The following MYH6 variants were observed in gnomAD, a reference collection of about 807,000 sequenced individuals.
MYH6 encodes the protein myosin-6.
Under a neutral mutation model 223.2 loss-of-function variants are expected in MYH6, and 126 were observed. That is an observed-to-expected ratio of 0.56 (90% CI 0.49 to 0.65). The LOEUF is 0.65. Ranked by LOEUF, MYH6 falls within the 30% of genes least tolerant of loss-of-function variation. MYH6 has a pLI of 0.00. For synonymous variants in MYH6, 978 were observed against 1,010.2 expected, an observed-to-expected ratio of 0.97 and a Z score of 0.61; for missense variants, 2,040 against 2,536.4, an observed-to-expected ratio of 0.80 and a Z score of 4.20.
Position 23,384,905 on chromosome 14 carries a change from C to A in MYH6, c.5289+11G>T, listed in dbSNP as rs367994806. ...GTCTTTAGGGGAGGCGGAAGGTGGG[C>A]GGTCACTTACATCCGTGATGGCCTT... On this transcript the variant is annotated intron_variant, in intron 35 of 38. Coordinates refer to ENST00000405093, the MANE Select transcript of MYH6 (RefSeq NM_002471.4). The A allele has an allele frequency of 7.4e-6, 12 of 1,613,652 alleles. No homozygotes were observed. Among genetic ancestry groups the A allele is most frequent in the African/African-American group, 1.3e-5 (1 of 74,928 alleles).
chr14:23,391,702 G>A (rs990687468), intron 25 of MYH6, among the ~76,000 whole-genome samples: 2 of 152,192 alleles, frequency 1.3e-5, no homozygotes, highest in African/African-American at 4.8e-5. Context: ...GGGTCACTAT[G>A]TCCAGACCTG....
At chr14:23,391,484 T>G (rs1264413387) in intron 25 of MYH6, among the ~76,000 whole-genome samples, 2 of 152,350 alleles carry the variant, frequency 1.3e-5, no homozygotes, top group African/African-American at 4.8e-5. Context: ...AGAAGGGGCA[T>G]CCAAGAAGAT....
chr14:23,400,364 G>A lies in MYH6; in HGVS notation c.1473C>T (p.Asn491=). Residue 491 remains asparagine (N), a synonymous_variant, in exon 14 of 39, where the codon AAC becomes AAT. Coordinates refer to ENST00000405093, the MANE Select transcript of MYH6 (RefSeq NM_002471.4). ...CCTGCTCCAGCACGAACATGTGGTG[G>A]TTGAAGAACTGCTGCAGCTTCTCGT... is the stretch of plus-strand genomic sequence containing the variant. ...FTNEKLQQFF[N]HHMFVLEQEE... 1 of 1,614,212 alleles carries A rather than the reference G, an allele frequency of 6.2e-7. No individual in the cohort carries two copies. The highest frequency in any genetic ancestry group is 8.5e-7 in the Non-Finnish European group (1 of 1,180,042).
At chr14:23,388,778 G>T in intron 29 of MYH6, 81 bp downstream of exon 29, 2 of 1,598,562 alleles carry the variant, frequency 1.3e-6, no homozygotes, top group South Asian at 1.1e-5. Context: ...TCCGTCTCAT[G>T]ACCACTTTGC....
chr14:23,393,448 G>T lies in MYH6; in HGVS notation c.2999C>A (p.Ala1000Asp). Residue 1000 changes from alanine (A) to aspartate (D), a missense_variant, in exon 23 of 39, where the codon GCT (alanine) becomes GAT (aspartate). This residue lies in a region of MYH6 where 1,203 missense variants were observed against 1,400.2 expected (regional missense o/e 0.86). Coordinates refer to ENST00000405093, the MANE Select transcript of MYH6 (RefSeq NM_002471.4). ...GGCCTGCTGATGGGCCTCTTGTAGA[G>T]CTTTCTTCTCCTTGGTCAGCTTAGC... The part of the protein sequence containing the change: ...IIAKLTKEKK[A>D]LQEAHQQALD... 6.2e-7 allele frequency: 1 copy of T among 1,614,120 alleles called. No homozygotes were observed. Among genetic ancestry groups the T allele is most frequent in the Non-Finnish European group, 8.5e-7 (1 of 1,180,028 alleles).
At position 23,389,638 on chromosome 14, in the gene MYH6, G is replaced by A. The variant is rs754780263; in HGVS notation, c.3814C>T (p.Leu1272Phe). 1 of 1,614,216 alleles carries A rather than the reference G, an allele frequency of 6.2e-7. No individual in the cohort carries two copies. The highest frequency in any genetic ancestry group is 1.1e-5 in the South Asian group (1 of 91,084). ...RVKLEEAQRS[L>F]NDFTTQRAKL... ...GCTCGCTGGGTGGTGAAATCATTGA[G>A]GGAGCGTTGGGCCTCTTCTAGCTTC... is the stretch of plus-strand genomic sequence containing the variant. The change falls in exon 27 of 39, where the codon CTC becomes TTC. Residue 1272 changes from leucine to phenylalanine, a missense_variant. Physicochemically the swap from Leu to Phe is conservative, Grantham distance 22. Transcript: ENST00000405093.
chr14:23,384,367 G>C (rs1432549564), intron 36 of MYH6, 75 bp downstream of exon 36: 3 of 1,596,350 alleles, frequency 1.9e-6, no homozygotes, highest in Non-Finnish European at 2.6e-6. Flanking sequence ...GGTGAGAGGA[G>C]CCCTGTGAGG....
chr14:23,406,999 G>T, intron 3 of MYH6, 24 bp downstream of exon 3: 1 of 1,610,370 alleles, frequency 6.2e-7, no homozygotes, highest in Admixed American at 1.7e-5. Context: ...CTTCCCTTCT[G>T]CCCCGGCGCC....
rs1249092846 is a variant in MYH6 at position 23,393,646 on chromosome 14, C to A, written c.2928+20G>T. 1 of 1,614,054 alleles carries A rather than the reference C, an allele frequency of 6.2e-7. No individual in the cohort carries two copies. Among genetic ancestry groups the A allele is most frequent in the African/African-American group, 1.3e-5 (1 of 74,924 alleles). ...AGTCTTGAGGAGACCTGGGCTGAAG[C>A]CAGAGGGAGCTGCCCTCACCTTGTT... On this transcript the variant is annotated intron_variant, in intron 22 of 38. Transcript: ENST00000405093.
chr14:23,383,339 G>GGGGGGGGCCCCCCCC lies in MYH6; in HGVS notation c.5566-20_5566-19insGGGGGGGGCCCCCCC. On this transcript the variant is annotated intron_variant, in intron 36 of 38. Transcript: ENST00000405093. Reference sequence around the variant, plus strand: ...CCTCTGTCTGGGGGTGGGAGGGTGGGAGAAGCTGGTTTGGAGGGGGAGCAA... The same window carrying GGGGGGGGCCCCCCCC: ...CCTCTGTCTGGGGGTGGGAGGGTGGGGGGGGGGCCCCCCCCAGAAGCTGGTTTGGAGGGGGAGCAA... The GGGGGGGGCCCCCCCC allele has an allele frequency of 2.8e-5, 3 of 108,122 alleles. No homozygotes were observed. Among genetic ancestry groups the GGGGGGGGCCCCCCCC allele is most frequent in the African/African-American group, 9.5e-5 (1 of 10,530 alleles). The allele number at this position is 108,122 out of a possible 1,614,324, so 6.7% of individuals were successfully genotyped here.
At chr14:23,390,799 T>C (rs997293017) in intron 25 of MYH6, among the ~76,000 whole-genome samples, 1 of 152,134 alleles carries the variant, frequency 6.6e-6, no homozygotes, top group Admixed American at 6.5e-5. Context: ...TCCTGTGAGA[T>C]CAAGAAGTTC....
chr14:23,385,137 T>G, intron 34 of MYH6, 96 bp from the exon 35 acceptor site: 2 of 1,545,344 alleles, frequency 1.3e-6, no homozygotes, highest in Non-Finnish European at 1.8e-6. Context: ...TGGTCATTTT[T>G]TTTTTAAAAC....
Position 23,407,315 on chromosome 14 carries a change from C to G in MYH6, c.-13-79G>C. 2 of 1,510,940 alleles carry G rather than the reference C, an allele frequency of 1.3e-6. No individual in the cohort carries two copies. Among genetic ancestry groups the G allele is most frequent in the Non-Finnish European group, 1.8e-6 (2 of 1,097,342 alleles). The allele number at this position is 1,510,940 out of a possible 1,614,324, so 93.6% of individuals were successfully genotyped here. Reference sequence around the variant, plus strand: ...GAGTGGCTTTGTCCTCTGCAGCCCCCCTCCCTACCCCCGCTCCTCTCCTCC... The same window carrying G: ...GAGTGGCTTTGTCCTCTGCAGCCCCGCTCCCTACCCCCGCTCCTCTCCTCC... On this transcript the variant is annotated intron_variant, in intron 2 of 38. Transcript: ENST00000405093. The surrounding 1 kb of genome is among the most constrained non-coding windows in gnomAD (Gnocchi z 5.6).
At chr14:23,396,935 A>G (rs751168005) in intron 18 of MYH6, 28 bp downstream of exon 18, 6 of 1,612,272 alleles carry the variant, frequency 3.7e-6, no homozygotes, top group Admixed American at 1.7e-5. Flanking sequence ...CCCCTGTTCT[A>G]TGAGCTCTGG....
intron 37 of MYH6, among the ~76,000 whole-genome samples, chr14:23,382,841 C>T (rs766423150): frequency 6.6e-6 from 1 of 152,188 alleles, no homozygotes; most frequent in Non-Finnish European, 1.5e-5. Context: ...GTCCCGGACC[C>T]CAGCTTCCTG....
chr14:23,390,759 A>C (rs1020313345), intron 25 of MYH6, among the ~76,000 whole-genome samples: 7 of 152,214 alleles, frequency 4.6e-5, no homozygotes, highest in African/African-American at 1.7e-4. Flanking sequence ...CCAAATCCTG[A>C]GAACCTGTGG....
At chr14:23,383,118 A>G in intron 37 of MYH6, 107 bp downstream of exon 37, 1 of 1,045,364 alleles carries the variant, frequency 9.6e-7, no homozygotes. Context: ...TTTGAGAGTT[A>G]AAGTTTATAG....
chr14:23,405,902 C>A lies in MYH6; in HGVS notation c.202-132G>T. The A allele has an allele frequency of 2.7e-6, 3 of 1,122,342 alleles. No homozygotes were observed. The highest frequency in any genetic ancestry group is 2.6e-5 in the South Asian group (2 of 77,870). 69.5% of individuals were successfully genotyped at this position (1,122,342 alleles called of 1,614,324 possible). On this transcript the variant is annotated intron_variant, in intron 3 of 38. Coordinates refer to ENST00000405093, the MANE Select transcript of MYH6 (RefSeq NM_002471.4). This position sits in a 1 kb window ranked among gnomAD's most constrained non-coding sequence, Gnocchi z 4.7. Reference sequence around the variant, plus strand: ...CCCCTTGCTCTGACCAGTGCCCCGGCCCCTACCCCGATGTCCCCTGGGACA... The same window carrying A: ...CCCCTTGCTCTGACCAGTGCCCCGGACCCTACCCCGATGTCCCCTGGGACA...
In MYH6 at chr14:23,398,786, C is replaced by T. The variant is rs1891507854; in HGVS notation, c.1833G>A (p.Gln611=). Residue 611 remains glutamine (Q), a synonymous_variant, in exon 15 of 39, where the codon CAG becomes CAA. Coordinates refer to ENST00000405093, the MANE Select transcript of MYH6 (RefSeq NM_002471.4). Reference sequence around the variant, plus strand: ...TGGCCATGAGCTTGAGGGAGGACTTCTGGTACAGGGCCACAACAGTCTCGT... The same window carrying T: ...TGGCCATGAGCTTGAGGGAGGACTTTTGGTACAGGGCCACAACAGTCTCGT... ...PLNETVVALY[Q]KSSLKLMATL... 6.2e-7 allele frequency: 1 copy of T among 1,614,186 alleles called. No individual in the cohort carries two copies. The highest frequency in any genetic ancestry group is 8.5e-7 in the Non-Finnish European group (1 of 1,180,034).
Sources: allele counts gnomAD v4.1 joint callset (sites outside exome capture counted in the v4.1 genomes callset), GRCh38; gene constraint gnomAD v4.1.1; regional missense constraint gnomAD v4.1.1; non-coding constraint Gnocchi (gnomAD v3.1); transcripts MANE v1.5; gene names NCBI Gene and HGNC (gene_info 2026-07-23, HGNC 2026-07-21).